The following SOAT1 variants were observed in gnomAD, a reference collection of about 807,000 sequenced individuals.
SOAT1 encodes acyl-coenzyme A:cholesterol acyltransferase 1.
Under a neutral mutation model 69.5 loss-of-function variants are expected in SOAT1, and 55 were observed. The observed-to-expected ratio is 0.79, with a 90% CI of 0.64 to 0.99. SOAT1 has a LOEUF of 0.99. Among genes scored for constraint, SOAT1 ranks in the 50% least tolerant of loss-of-function variants. SOAT1 has a pLI of 0.00. For missense variants in SOAT1, 580 were observed against 669.3 expected (o/e 0.87, Z 1.47); for synonymous variants, 231 against 224.7 (o/e 1.03, Z -0.25).
In SOAT1 at chr1:179,343,599, T is replaced by C; in HGVS notation, c.951T>C (p.Thr317=). ...IYRDSYPRNP[T]VRWGYVAMKF... is the part of the protein sequence containing the mutation. ...TTTCTTTCTTTTTCAGGAATCCCAC[T>C]GTAAGATGGGGTTATGTCGCTATGA... Residue 317 remains threonine, a synonymous_variant, in exon 10 of 16, where the codon ACT becomes ACC. Coordinates refer to ENST00000367619, the MANE Select transcript of SOAT1 (RefSeq NM_003101.6). 1 of 1,611,078 alleles carries C rather than the reference T, an allele frequency of 6.2e-7. No homozygotes were observed. The highest frequency in any genetic ancestry group is 8.5e-7 in the Non-Finnish European group (1 of 1,178,218).
intron 14 of SOAT1, 125 bp from the exon 15 acceptor site, chr1:179,351,192 C>T (rs960976770): frequency 4.2e-5 from 31 of 739,786 alleles, no homozygotes; most frequent in Non-Finnish European, 6.5e-5. Flanking sequence ...TACAGGCACA[C>T]ACCACCACGC....
intron 3 of SOAT1, among the ~76,000 whole-genome samples, chr1:179,332,758 T>G (rs1666014012): frequency 6.6e-6 from 1 of 152,326 alleles, no homozygotes; most frequent in South Asian, 2.1e-4. Flanking sequence ...TGAGTTCTAA[T>G]TAACAAGTTT....
chr1:179,335,599 G>A lies in SOAT1; in HGVS notation c.271G>A (p.Gly91Arg), dbSNP rs1195097170. The A allele has an allele frequency of 3.1e-6, 5 of 1,613,948 alleles. No individual in the cohort carries two copies. In the Admixed American group the frequency reaches 8.3e-5, roughly 27 times the overall value. ...AAAGTCAGCATCATTAGATAATGGT[G>A]GGTGCGCTCTCACAACCTTTTCTGT... ...IEKSASLDNG[G>R]CALTTFSVLE... The change falls in exon 4 of 16, where the codon GGG becomes AGG. Residue 91 changes from glycine to arginine, a missense_variant. Coordinates refer to ENST00000367619, the MANE Select transcript of SOAT1 (RefSeq NM_003101.6).
chr1:179,353,465 G>C, intron 15 of SOAT1, 120 bp from the exon 16 acceptor site: 1 of 850,610 alleles, frequency 1.2e-6, no homozygotes, highest in Non-Finnish European at 2.0e-6. Flanking sequence ...GAGGGTTGTT[G>C]AAATGGTGGG....
At position 179,344,951 on chromosome 1, in the gene SOAT1, T is replaced by G; in HGVS notation, c.992T>G (p.Phe331Cys). 1 of 1,614,048 alleles carries G rather than the reference T, an allele frequency of 6.2e-7. No homozygotes were observed. The highest frequency in any genetic ancestry group is 8.5e-7 in the Non-Finnish European group (1 of 1,179,954). ...TCTGTCTCTGTTATGTTCCAGGTCTTTGGTTGCTTTTTCTATGTGTACTAC... is the reference window on the plus strand; with the variant it reads ...TCTGTCTCTGTTATGTTCCAGGTCTGTGGTTGCTTTTTCTATGTGTACTAC... ...GYVAMKFAQVFGCFFYVYYIF... is the reference protein window; with the variant it reads ...GYVAMKFAQVCGCFFYVYYIF... The change falls in exon 11 of 16, where the codon TTT becomes TGT. Residue 331 changes from phenylalanine (F) to cysteine (C), a missense_variant. Physicochemically the swap from Phe to Cys is radical, Grantham distance 205. Transcript: ENST00000367619.
At chr1:179,315,198 A>C (rs1261669894) in intron 2 of SOAT1, among the ~76,000 whole-genome samples, 1 of 152,198 alleles carries the variant, frequency 6.6e-6, no homozygotes, top group African/African-American at 2.4e-5. Flanking sequence ...TAATCCCAAC[A>C]GTTTCAGAGG....
chr1:179,338,879 G>T, intron 5 of SOAT1, among the ~76,000 whole-genome samples: 1 of 152,054 alleles, frequency 6.6e-6, no homozygotes, highest in East Asian at 1.9e-4. Flanking sequence ...TCATTTAAAA[G>T]ATTAGCATTA....
At chr1:179,342,010 G>T (rs966875063) in intron 7 of SOAT1, 104 bp from the exon 8 acceptor site, 102 of 1,457,334 alleles carry the variant, frequency 7.0e-5, no homozygotes, top group Middle Eastern at 1.8e-4. Context: ...CACTTATCAG[G>T]ATTTTCTGAC....
intron 12 of SOAT1, among the ~76,000 whole-genome samples, chr1:179,348,290 C>CT (rs1300521408): frequency 1.3e-5 from 2 of 152,110 alleles, no homozygotes; most frequent in African/African-American, 2.4e-5. Context: ...CTCAAAGAAA[C>CT]TTTAAGTGTG....
intron 3 of SOAT1, among the ~76,000 whole-genome samples, chr1:179,332,868 G>A (rs7531307): frequency 0.24 from 36,286 of 152,034 alleles, 4,532 homozygotes; most frequent in East Asian, 0.46. Flanking sequence ...GCAGTTACTC[G>A]TTATTGTCAT....
At chr1:179,335,709 A>G (rs751501417) in intron 4 of SOAT1, 52 bp downstream of exon 4, 18 of 1,486,954 alleles carry the variant, frequency 1.2e-5, no homozygotes, top group South Asian at 2.8e-5. Flanking sequence ...GTATAGTTCA[A>G]TGGTGAAAAT....
chr1:179,338,026 A>G lies in SOAT1; in HGVS notation c.389+130A>G, dbSNP rs1308991562. 13 of 537,868 alleles carry G rather than the reference A, an allele frequency of 2.4e-5. No individual in the cohort carries two copies. In the East Asian group the frequency reaches 3.2e-4, roughly 13 times the overall value. The allele number at this position is 537,868 out of a possible 1,614,324, so 33.3% of individuals were successfully genotyped here. ...AATCATTAGTGGGTTTTTTTCTTCTATGCTCTCTCTTGCTCCTTTCTGATC... is the reference window on the plus strand; with the variant it reads ...AATCATTAGTGGGTTTTTTTCTTCTGTGCTCTCTCTTGCTCCTTTCTGATC... On this transcript the variant is annotated intron_variant, in intron 5 of 15. Transcript: ENST00000367619.
chr1:179,341,828 C>T lies in SOAT1; in HGVS notation c.781-286C>T, dbSNP rs529842728. Among the ~76,000 whole-genome samples, 30 of 152,218 alleles carry T rather than the reference C, an allele frequency of 2.0e-4. No individual in the cohort carries two copies. In the East Asian group the frequency reaches 2.3e-3, roughly 12 times the overall value. ...GATTACAGGCGTAAGCCACCGCGCC[C>T]GGCCACATTGAATTATTTTTGATGC... On this transcript the variant is annotated intron_variant, in intron 7 of 15. Transcript: ENST00000367619.
intron 7 of SOAT1, 87 bp downstream of exon 7, chr1:179,341,397 G>GC (rs771241050): frequency 4.5e-6 from 6 of 1,323,718 alleles, no homozygotes; most frequent in Non-Finnish European, 6.3e-6. Flanking sequence ...ATTATTTTTA[G>GC]CTGTATTAAC....
At chr1:179,316,605 C>T (rs1007026276) in intron 2 of SOAT1, among the ~76,000 whole-genome samples, 9 of 152,148 alleles carry the variant, frequency 5.9e-5, no homozygotes, top group African/African-American at 1.9e-4. Context: ...GTTGGTCAGG[C>T]TGGTCTCAAA....
In SOAT1 at chr1:179,350,430, A is replaced by C; in HGVS notation, c.1449A>C (p.Gly483=). The C allele has an allele frequency of 6.2e-7, 1 of 1,613,524 alleles. No individual in the cohort carries two copies. Among genetic ancestry groups the C allele is most frequent in the South Asian group, 1.1e-5 (1 of 90,966 alleles). The change falls in exon 14 of 16, where the codon GGA becomes GGC. Residue 483 remains glycine (G), a splice_region_variant and synonymous_variant. Coordinates refer to ENST00000367619, the MANE Select transcript of SOAT1 (RefSeq NM_003101.6). ...TCTTCGTGCTCTTCATGTTCTTTGG[A>C]AGTAAGTATCTTGGTATGCTGTGAG... The part of the protein sequence containing the change: ...PVLFVLFMFF[G]MAFNFIVNDS...
At chr1:179,326,488 A>G (rs373660328) in intron 3 of SOAT1, among the ~76,000 whole-genome samples, 55 of 151,900 alleles carry the variant, frequency 3.6e-4, no homozygotes, top group African/African-American at 1.3e-3. Flanking sequence ...TAAAATTGTC[A>G]ATTATTTGCT....
intron 3 of SOAT1, among the ~76,000 whole-genome samples, chr1:179,332,426 T>G (rs1666002712): frequency 6.6e-6 from 1 of 152,218 alleles, no homozygotes; most frequent in African/African-American, 2.4e-5. Flanking sequence ...ATTCTTGGAA[T>G]CTTAGAGGTT....
At chr1:179,297,663 G>A (rs528812711) in intron 1 of SOAT1, among the ~76,000 whole-genome samples, 3 of 148,796 alleles carry the variant, frequency 2.0e-5, no homozygotes, top group South Asian at 4.3e-4. Flanking sequence ...AAAGTAATGA[G>A]TAGAGAAAAT....
Sources: allele counts gnomAD v4.1 joint callset (sites outside exome capture counted in the v4.1 genomes callset), GRCh38; gene constraint gnomAD v4.1.1; transcripts MANE v1.5; gene names NCBI Gene and HGNC (gene_info 2026-07-23, HGNC 2026-07-21).